ARHGAP5: variants seen among roughly 807,000 people sequenced by gnomAD.
ARHGAP5 encodes the protein Rho GTPase activating protein 5.
Under a neutral mutation model 116.6 loss-of-function variants are expected in ARHGAP5, and 23 were observed. The observed-to-expected ratio is 0.20, with a 90% CI of 0.14 to 0.28. The LOEUF is 0.28. ARHGAP5 is among the 10% of genes least tolerant of loss of function. ARHGAP5 has a pLI of 1.00. For missense variants in ARHGAP5, 1,405 were observed against 1,774.8 expected (o/e 0.79, Z 3.74); for synonymous variants, 574 against 602.0 (o/e 0.95, Z 0.68).
In ARHGAP5 at chr14:32,131,853, C is replaced by T. The variant is rs140441019; in HGVS notation, c.3866-14410C>T. On this transcript the variant is annotated intron_variant, in intron 3 of 6. Transcript: ENST00000345122. ...TGCGGTGTTTGGTTTTTTGTCCTTG[C>T]GATAGTTTGCTGAGAATGATGGTTT... 2.2e-4 allele frequency among the ~76,000 whole-genome samples: 33 copies of T among 152,144 alleles called. 1 individual carries two copies. Among genetic ancestry groups the T allele is most frequent in the South Asian group, 4.1e-4 (2 of 4,820 alleles).
intron 1 of ARHGAP5, among the ~76,000 whole-genome samples, chr14:32,087,558 C>G (rs1283343077): frequency 1.4e-5 from 2 of 145,624 alleles, no homozygotes; most frequent in African/African-American, 5.1e-5. Context: ...GAAGGCACTC[C>G]TCTGGTGAGA....
chr14:32,104,531 C>T (rs993209648), intron 2 of ARHGAP5, among the ~76,000 whole-genome samples: 9 of 152,132 alleles, frequency 5.9e-5, no homozygotes, highest in Admixed American at 2.6e-4. Flanking sequence ...CCAGCACTTA[C>T]GGCTTTTATA....
rs1878401491 is a variant in ARHGAP5 at position 32,094,117 on chromosome 14, C to T, written c.3448C>T (p.Pro1150Ser). 1 of 1,613,780 alleles carries T rather than the reference C, an allele frequency of 6.2e-7. No individual in the cohort carries two copies. Among genetic ancestry groups the T allele is most frequent in the Non-Finnish European group, 8.5e-7 (1 of 1,179,950 alleles). Reference protein sequence around the residue: ...RTSKSHGERRPSKYKYKSKTL... With the variant: ...RTSKSHGERRSSKYKYKSKTL... Reference sequence around the variant, plus strand: ...CTCAAAAAGTCATGGGGAACGGAGGCCTTCAAAATACAAATATAAATCTAA... The same window carrying T: ...CTCAAAAAGTCATGGGGAACGGAGGTCTTCAAAATACAAATATAAATCTAA... The change falls in exon 2 of 7, where the codon CCT (proline) becomes TCT (serine). Residue 1150 changes from proline to serine, a missense_variant. Pro to Ser is a moderately conservative substitution (Grantham distance 74, BLOSUM62 -1). Transcript: ENST00000345122.
chr14:32,097,818 A>G (rs560119240), intron 2 of ARHGAP5, among the ~76,000 whole-genome samples: 1 of 152,356 alleles, frequency 6.6e-6, no homozygotes, highest in East Asian at 1.9e-4. Context: ...TTGCATTTCT[A>G]TACATTACCA....
chr14:32,130,552 T>G (rs898654407), intron 3 of ARHGAP5, among the ~76,000 whole-genome samples: 1 of 150,154 alleles, frequency 6.7e-6, no homozygotes, highest in Non-Finnish European at 1.5e-5. Context: ...ATTGATTGAT[T>G]GATTTTGAGA....
In ARHGAP5 at chr14:32,146,626, G is replaced by C. The variant is rs147108894; in HGVS notation, c.3943+286G>C. ...TACTAGGGATTTATAAGAGGAAATA[G>C]ATGATAAGAAACTTCTAAAATACAA... On this transcript the variant is annotated intron_variant, in intron 4 of 6. Transcript: ENST00000345122. 4.0e-3 allele frequency among the ~76,000 whole-genome samples: 608 copies of C among 152,304 alleles called. 7 individuals are homozygous for C. Among genetic ancestry groups the C allele is most frequent in the African/African-American group, 0.014 (596 of 41,572 alleles).
At chr14:32,136,233 A>G (rs1390248904) in intron 3 of ARHGAP5, among the ~76,000 whole-genome samples, 3 of 152,216 alleles carry the variant, frequency 2.0e-5, no homozygotes, top group Non-Finnish European at 4.4e-5. Flanking sequence ...TGGTTGCAAA[A>G]TATTTTAATT....
chr14:32,126,787 C>CT (rs543397670), intron 3 of ARHGAP5, among the ~76,000 whole-genome samples: 9 of 151,242 alleles, frequency 6.0e-5, no homozygotes, highest in African/African-American at 1.9e-4. Flanking sequence ...ATTGATTTTT[C>CT]TTTTTTTGGG....
At chr14:32,079,019 A>G (rs1389126831) in intron 1 of ARHGAP5, among the ~76,000 whole-genome samples, 1 of 152,126 alleles carries the variant, frequency 6.6e-6, no homozygotes, top group East Asian at 1.9e-4. Context: ...ATTGACCTCC[A>G]TTACCTTTAT....
chr14:32,131,615 G>A (rs1880502282), intron 3 of ARHGAP5, among the ~76,000 whole-genome samples: 1 of 151,976 alleles, frequency 6.6e-6, no homozygotes, highest in Non-Finnish European at 1.5e-5. Context: ...TCAAGTTTTA[G>A]GGTACATGTG....
At position 32,083,652 on chromosome 14, in the gene ARHGAP5, TC is replaced by T. The variant is rs1229449629; in HGVS notation, c.-169+6219del. On this transcript the variant is annotated intron_variant, in intron 1 of 6. Transcript: ENST00000345122. ...GTCTTTTTTTCCCTTAATCCATACT[TC>T]CTTTAAAGCTTACACCTCTTGTTGA... is the stretch of plus-strand genomic sequence containing the variant. Among the ~76,000 whole-genome samples the T allele has an allele frequency of 2.0e-5, 3 of 152,324 alleles. 1 individual carries two copies. The highest frequency in any genetic ancestry group is 6.8e-3 in the Middle Eastern group (2 of 294).
chr14:32,136,024 A>G lies in ARHGAP5; in HGVS notation c.3866-10239A>G, dbSNP rs567108684. 2.6e-5 allele frequency among the ~76,000 whole-genome samples: 4 copies of G among 152,340 alleles called. No individual in the cohort carries two copies. In the East Asian group the frequency reaches 5.8e-4, roughly 22 times the overall value. ...TAGTTTTTATACTTAATCAAACATA[A>G]GAATGTACTTTTAATTCAGTGGGAG... On this transcript the variant is annotated intron_variant, in intron 3 of 6. Coordinates refer to ENST00000345122, the MANE Select transcript of ARHGAP5 (RefSeq NM_001030055.2).
At chr14:32,118,675 C>G (rs560312819) in intron 3 of ARHGAP5, among the ~76,000 whole-genome samples, 7 of 152,168 alleles carry the variant, frequency 4.6e-5, no homozygotes, top group African/African-American at 7.2e-5. Flanking sequence ...AATTTCTTGT[C>G]TATATTTCTG....
In ARHGAP5 at chr14:32,156,229, A is replaced by G. The variant is rs1881887560; in HGVS notation, c.*1281A>G. 1 of 152,468 alleles carries G rather than the reference A, an allele frequency of 6.6e-6. No homozygotes were observed. The highest frequency in any genetic ancestry group is 2.4e-5 in the African/African-American group (1 of 41,450). The allele number at this position is 152,468 out of a possible 1,614,324, so 9.4% of individuals were successfully genotyped here. A position where few individuals can be genotyped will look rare whatever the true frequency, so the allele number is the denominator to read the frequency against. ...ACACTAAATTATGGATAAAATTTTC[A>G]GAATAGGTGGCACAGGTAAATTTCA... On this transcript the variant is annotated 3_prime_UTR_variant, in exon 7 of 7. Transcript: ENST00000345122.
chr14:32,091,608 A>T lies in ARHGAP5; in HGVS notation c.939A>T (p.Arg313Ser). 1 of 1,612,378 alleles carries T rather than the reference A, an allele frequency of 6.2e-7. No homozygotes were observed. The highest frequency in any genetic ancestry group is 8.5e-7 in the Non-Finnish European group (1 of 1,179,070). Residue 313 changes from arginine to serine, a missense_variant, in exon 2 of 7, where the codon AGA becomes AGT. Coordinates refer to ENST00000345122, the MANE Select transcript of ARHGAP5 (RefSeq NM_001030055.2). Reference sequence around the variant, plus strand: ...AATACATCAACTTAGAGGGAACAAGAAAGGCCAGAAATACATTCTCAAAAC... The same window carrying T: ...AATACATCAACTTAGAGGGAACAAGTAAGGCCAGAAATACATTCTCAAAAC... ...YEEYINLEGT[R>S]KARNTFSKHI...
intron 3 of ARHGAP5, among the ~76,000 whole-genome samples, chr14:32,128,431 G>A (rs143072204): frequency 3.3e-4 from 50 of 152,382 alleles, no homozygotes; most frequent in East Asian, 2.1e-3. Flanking sequence ...TTGCAAGGGC[G>A]TGGCCCGCCT....
chr14:32,096,294 T>G (rs1878521698), intron 2 of ARHGAP5, among the ~76,000 whole-genome samples: 1 of 152,244 alleles, frequency 6.6e-6, no homozygotes, highest in Non-Finnish European at 1.5e-5. Context: ...GTCTTTCTAA[T>G]TACAGTATTA....
chr14:32,156,779 T>C lies in ARHGAP5; in HGVS notation c.*1831T>C, dbSNP rs1277808722. 1.3e-5 allele frequency: 2 copies of C among 152,372 alleles called. No individual in the cohort carries two copies. Among genetic ancestry groups the C allele is most frequent in the Admixed American group, 6.6e-5 (1 of 15,256 alleles). The allele number at this position is 152,372 out of a possible 1,614,324, so 9.4% of individuals were successfully genotyped here. A position where few individuals can be genotyped will look rare whatever the true frequency, so the allele number is the denominator to read the frequency against. On this transcript the variant is annotated 3_prime_UTR_variant, in exon 7 of 7. Transcript: ENST00000345122. ...AACTTTAAGAGTTTTATAAACTGTTTCTAGGTTGCTAAAGAATTTATTTTT... is the reference window on the plus strand; with the variant it reads ...AACTTTAAGAGTTTTATAAACTGTTCCTAGGTTGCTAAAGAATTTATTTTT...
In ARHGAP5 at chr14:32,093,042, T is replaced by C. The variant is rs1878345438; in HGVS notation, c.2373T>C (p.Ser791=). 6.2e-7 allele frequency: 1 copy of C among 1,613,940 alleles called. No individual in the cohort carries two copies. The highest frequency in any genetic ancestry group is 1.3e-5 in the African/African-American group (1 of 74,926). The change falls in exon 2 of 7, where the codon AGT becomes AGC. Residue 791 remains serine (S), a synonymous_variant. Transcript: ENST00000345122. The part of the protein sequence containing the change: ...VMCAMCGDPF[S]VDLILSPFLD... ...GCGCCATGTGTGGAGATCCATTTAG[T>C]GTGGATCTTATTCTTTCACCCTTCC...
Sources: gnomAD v4.1 joint callset for allele counts (sites outside exome capture counted in the v4.1 genomes callset) on GRCh38, gnomAD v4.1.1 for gene constraint, MANE v1.5 for transcripts, NCBI Gene and HGNC (gene_info 2026-07-23, HGNC 2026-07-21) for gene names.